RAPGEF1: variants seen among roughly 807,000 people sequenced by gnomAD.
RAPGEF1 encodes CRK SH3-binding GNRP.
Under a neutral mutation model 143.3 loss-of-function variants are expected in RAPGEF1, and 33 were observed. The ratio of observed to expected loss-of-function variants is 0.23; its 90% CI spans 0.17 to 0.31. The LOEUF (loss-of-function observed/expected upper bound fraction) is 0.31, where lower values mean the gene tolerates loss of function less well. Among genes scored for constraint, RAPGEF1 ranks in the 10% least tolerant of loss-of-function variants. The pLI is 1.00. For synonymous variants in RAPGEF1, 629 were observed against 676.5 expected (o/e 0.93, Z 1.09); for missense variants, 1,199 against 1,645.4 (o/e 0.73, Z 4.69).
chr9:131,637,520 C>T (rs913322926), intron 5 of RAPGEF1, among the ~76,000 whole-genome samples: 1 of 152,124 alleles, frequency 6.6e-6, no homozygotes, highest in African/African-American at 2.4e-5. Flanking sequence ...AGGCAGTTTT[C>T]AGGAATTTGT....
At chr9:131,712,099 G>A (rs745548502) in intron 1 of RAPGEF1, among the ~76,000 whole-genome samples, 13 of 152,126 alleles carry the variant, frequency 8.5e-5, no homozygotes, top group Admixed American at 6.5e-5. Context: ...TGTGTCTGTC[G>A]CACCGTCTCC....
intron 22 of RAPGEF1, among the ~76,000 whole-genome samples, chr9:131,585,370 G>C (rs569308503): frequency 2.8e-4 from 42 of 152,030 alleles, no homozygotes; most frequent in Non-Finnish European, 1.8e-4. Context: ...GTAGGGGGGG[G>C]GCGTCTCTCT....
intron 1 of RAPGEF1, among the ~76,000 whole-genome samples, chr9:131,732,157 A>G (rs1449132907): frequency 6.6e-6 from 1 of 152,160 alleles, no homozygotes; most frequent in Non-Finnish European, 1.5e-5. Context: ...CCCCAGCCCT[A>G]GACAGCACAC....
At chr9:131,604,583 C>G (rs528085311) in intron 13 of RAPGEF1, among the ~76,000 whole-genome samples, 31 of 152,326 alleles carry the variant, frequency 2.0e-4, no homozygotes, top group African/African-American at 6.7e-4. Flanking sequence ...TAAAAACAGA[C>G]AAGTAAATGG....
At chr9:131,651,651 A>G (rs928513689) in intron 1 of RAPGEF1, among the ~76,000 whole-genome samples, 7 of 152,248 alleles carry the variant, frequency 4.6e-5, no homozygotes, top group Non-Finnish European at 8.8e-5. Flanking sequence ...AAAAAATAGA[A>G]AATTGGACTT....
chr9:131,683,770 C>T (rs1833107694), intron 1 of RAPGEF1, among the ~76,000 whole-genome samples: 1 of 152,224 alleles, frequency 6.6e-6, no homozygotes, highest in African/African-American at 2.4e-5. Flanking sequence ...GTATTGACTG[C>T]TTTTGATATG....
At chr9:131,733,369 G>GCC (rs1837210138) in intron 1 of RAPGEF1, among the ~76,000 whole-genome samples, 1 of 134,912 alleles carries the variant, frequency 7.4e-6, no homozygotes, top group Non-Finnish European at 1.6e-5. Flanking sequence ...CGGGGGCGGG[G>GCC]GGGGGGGTGG....
chr9:131,694,366 A>G (rs1833988292), intron 1 of RAPGEF1, among the ~76,000 whole-genome samples: 1 of 152,222 alleles, frequency 6.6e-6, no homozygotes, highest in Non-Finnish European at 1.5e-5. Flanking sequence ...CACTCCTGGA[A>G]GAGCTGAAGA....
At chr9:131,619,025 G>A (rs1164016627) in intron 12 of RAPGEF1, 26 bp downstream of exon 12, 1 of 1,350,462 alleles carries the variant, frequency 7.4e-7, no homozygotes, top group Admixed American at 2.0e-5. Context: ...GCGTTTCCAA[G>A]TAAAGAACAG....
At chr9:131,715,346 G>A (rs972162203) in intron 1 of RAPGEF1, among the ~76,000 whole-genome samples, 6 of 152,160 alleles carry the variant, frequency 3.9e-5, no homozygotes, top group Non-Finnish European at 5.9e-5. Flanking sequence ...CTTGAAGGAT[G>A]AGCAGAGCTG....
At chr9:131,630,069 C>T (rs559511565) in intron 6 of RAPGEF1, among the ~76,000 whole-genome samples, 167 bp downstream of exon 6, 1 of 152,170 alleles carries the variant, frequency 6.6e-6, no homozygotes, top group Non-Finnish European at 1.5e-5. Flanking sequence ...CAGGGCAATA[C>T]TTCAAGCCTG....
At position 131,596,493 on chromosome 9, in the gene RAPGEF1, T is replaced by C. The variant is rs1955310923; in HGVS notation, c.2614-120A>G. On this transcript the variant is annotated intron_variant, in intron 16 of 26. Transcript: ENST00000683357. Reference sequence around the variant, plus strand: ...CCCTGCAACCCCAAGTCCCCTCTCCTTCTGTGCTCCTCGGCCCAGGAGCAG... The same window carrying C: ...CCCTGCAACCCCAAGTCCCCTCTCCCTCTGTGCTCCTCGGCCCAGGAGCAG... The C allele has an allele frequency of 1.3e-5, 13 of 982,350 alleles. No homozygotes were observed. The South Asian group carries it at 1.7e-4, about 13-fold the overall frequency. 60.9% of individuals were successfully genotyped at this position (982,350 alleles called of 1,614,324 possible).
chr9:131,650,195 A>G lies in RAPGEF1; in HGVS notation c.249T>C (p.Asp83=). ...TAAATTCTACTGCCTGCTGCTCCAG[A>G]TCCAAGGGGAGAGGGTAGCCCTCTG... The part of the protein sequence containing the change: ...FLPEGYPLPL[D]LEQQAVEFMS... Residue 83 remains aspartate, a synonymous_variant, in exon 3 of 27, where the codon GAT becomes GAC. Transcript: ENST00000683357. The surrounding 1 kb of genome is among the most constrained non-coding windows in gnomAD (Gnocchi z 4.7). 1 of 1,613,946 alleles carries G rather than the reference A, an allele frequency of 6.2e-7. No individual in the cohort carries two copies. The highest frequency in any genetic ancestry group is 8.5e-7 in the Non-Finnish European group (1 of 1,179,850).
intron 4 of RAPGEF1, 61 bp from the exon 5 acceptor site, chr9:131,638,852 G>A (rs772712941): frequency 3.3e-6 from 5 of 1,513,072 alleles, no homozygotes; most frequent in Non-Finnish European, 4.5e-6. Flanking sequence ...ACTTAGCACA[G>A]AGCCAGCTTC....
intron 1 of RAPGEF1, among the ~76,000 whole-genome samples, chr9:131,677,856 A>G (rs1832558879): frequency 1.3e-5 from 2 of 152,196 alleles, no homozygotes; most frequent in Admixed American, 1.3e-4. Flanking sequence ...GGTCTGCATC[A>G]ATCCCACAAA....
At chr9:131,601,821 C>T (rs1444951208) in intron 15 of RAPGEF1, among the ~76,000 whole-genome samples, 3 of 152,160 alleles carry the variant, frequency 2.0e-5, no homozygotes, top group African/African-American at 7.2e-5. Flanking sequence ...GTGGGAGGAT[C>T]GCTTGAGCCC....
intron 12 of RAPGEF1, among the ~76,000 whole-genome samples, chr9:131,614,255 C>G (rs1053991878): frequency 6.6e-6 from 1 of 152,204 alleles, no homozygotes; most frequent in African/African-American, 2.4e-5. Flanking sequence ...CTGACCAGGA[C>G]AAAAAGCCAA....
intron 1 of RAPGEF1, among the ~76,000 whole-genome samples, chr9:131,656,944 A>G (rs11794161): frequency 0.23 from 35,458 of 152,244 alleles, 4,757 homozygotes; most frequent in Non-Finnish European, 0.3. Flanking sequence ...AGCCAGCTCT[A>G]GCACAAGAAG....
At chr9:131,640,230 C>T (rs1386768180) in intron 4 of RAPGEF1, among the ~76,000 whole-genome samples, 3 of 152,238 alleles carry the variant, frequency 2.0e-5, no homozygotes, top group South Asian at 2.1e-4. Context: ...GGCTGGACCT[C>T]GCTCTGCTTC....
Sources: gnomAD v4.1 joint callset for allele counts (sites outside exome capture counted in the v4.1 genomes callset) on GRCh38, gnomAD v4.1.1 for gene constraint, Gnocchi (gnomAD v3.1) non-coding constraint, MANE v1.5 for transcripts, NCBI Gene and HGNC (gene_info 2026-07-23, HGNC 2026-07-21) for gene names.